PIK3R4: variants seen among roughly 807,000 people sequenced by gnomAD.
PIK3R4 encodes the protein phosphoinositide 3-kinase regulatory subunit 4.
Under a neutral mutation model 136.5 loss-of-function variants are expected in PIK3R4, and 46 were observed. That is an observed-to-expected ratio of 0.34 (90% CI 0.27 to 0.43). The LOEUF is 0.43. PIK3R4 is among the 20% of genes least tolerant of loss of function. The pLI is 1.00. For synonymous variants in PIK3R4, 557 were observed against 566.7 expected (o/e 0.98, Z 0.24); for missense variants, 1,331 against 1,649.5 (o/e 0.81, Z 3.35).
chr3:130,682,976 G>A (rs2066468202), intron 16 of PIK3R4, among the ~76,000 whole-genome samples: 1 of 152,154 alleles, frequency 6.6e-6, no homozygotes, highest in Non-Finnish European at 1.5e-5. Context: ...ATTAATAGGG[G>A]AAAGAGATTA....
intron 16 of PIK3R4, among the ~76,000 whole-genome samples, chr3:130,683,431 C>T (rs181089782): frequency 3.5e-4 from 53 of 152,178 alleles, no homozygotes; most frequent in African/African-American, 1.0e-3. Context: ...TGAGAAGGAA[C>T]GAGCAGATCA....
intron 9 of PIK3R4, among the ~76,000 whole-genome samples, chr3:130,713,736 G>GA (rs200119546): frequency 0.015 from 2,341 of 152,218 alleles, 87 homozygotes; most frequent in African/African-American, 0.053. Flanking sequence ...GCAATGGCGC[G>GA]ATCTCAGCTC....
chr3:130,718,808 A>G (rs2066682310), intron 7 of PIK3R4, among the ~76,000 whole-genome samples: 1 of 152,192 alleles, frequency 6.6e-6, no homozygotes, highest in Non-Finnish European at 1.5e-5. Flanking sequence ...TTTTTTAGTC[A>G]GAAGTAAAAT....
In PIK3R4 at chr3:130,744,880, G is replaced by A. The variant is rs61731472; in HGVS notation, c.339C>T (p.Arg113=). 558 of 1,614,174 alleles carry A rather than the reference G, an allele frequency of 3.5e-4. 4 individuals are homozygous for A. In the African/African-American group the frequency reaches 6.5e-3, roughly 19 times the overall value. The change falls in exon 2 of 20, where the codon CGC becomes CGT. Residue 113 remains arginine (R), a synonymous_variant. Transcript: ENST00000356763. ...TATTCAAGAATGGACGGGTACTGATGCGATCATAGAGATTGTCTCGCACAT... is the reference window on the plus strand; with the variant it reads ...TATTCAAGAATGGACGGGTACTGATACGATCATAGAGATTGTCTCGCACAT... ...RQYVRDNLYD[R]ISTRPFLNNI...
rs2066512792 is a variant in PIK3R4, at chr3:130,690,766, C to T, written c.3099-112G>A. The T allele has an allele frequency of 6.5e-6, 4 of 619,588 alleles. No individual in the cohort carries two copies. In the East Asian group the frequency reaches 1.2e-4, roughly 18 times the overall value. The allele number at this position is 619,588 out of a possible 1,614,324, so 38.4% of individuals were successfully genotyped here. ...TTACTTTGGGGTCCATTTAATCTCC[C>T]TGATCTCAGGACAAAAACAAGAATT... On this transcript the variant is annotated intron_variant, in intron 13 of 19. Coordinates refer to ENST00000356763, the MANE Select transcript of PIK3R4 (RefSeq NM_014602.3).
At chr3:130,690,414 T>C in intron 14 of PIK3R4, 76 bp downstream of exon 14, 2 of 882,596 alleles carry the variant, frequency 2.3e-6, no homozygotes, top group Non-Finnish European at 3.3e-6. Flanking sequence ...CCCAACTACA[T>C]TGCAGGGTAG....
chr3:130,714,933 A>C (rs937882677), intron 9 of PIK3R4, among the ~76,000 whole-genome samples: 2 of 152,060 alleles, frequency 1.3e-5, no homozygotes, highest in African/African-American at 2.4e-5. Flanking sequence ...TTTATAGTAG[A>C]ATGATTTATA....
intron 12 of PIK3R4, among the ~76,000 whole-genome samples, chr3:130,705,073 C>T (rs142052317): frequency 3.9e-5 from 6 of 152,178 alleles, no homozygotes; most frequent in Admixed American, 6.5e-5. Context: ...TCAAGTGATC[C>T]GTCCACCTCA....
chr3:130,724,054 C>T (rs2107615876), intron 6 of PIK3R4, among the ~76,000 whole-genome samples: 1 of 151,934 alleles, frequency 6.6e-6, no homozygotes, highest in Non-Finnish European at 1.5e-5. Flanking sequence ...CCTAAGAATT[C>T]AAGGGCAAAA....
chr3:130,730,864 A>G (rs569006174), intron 4 of PIK3R4, among the ~76,000 whole-genome samples: 1 of 152,294 alleles, frequency 6.6e-6, no homozygotes, highest in Non-Finnish European at 1.5e-5. Flanking sequence ...TCAAATCTCA[A>G]CCTTGCCACT....
intron 9 of PIK3R4, among the ~76,000 whole-genome samples, chr3:130,714,179 A>G (rs1204640926): frequency 6.6e-6 from 1 of 152,246 alleles, no homozygotes; most frequent in Admixed American, 6.5e-5. Flanking sequence ...AATACAAAAC[A>G]TATCTAACGT....
chr3:130,701,245 CTCA>C (rs1394653946), intron 13 of PIK3R4, among the ~76,000 whole-genome samples: 1 of 152,134 alleles, frequency 6.6e-6, no homozygotes, highest in African/African-American at 2.4e-5. Flanking sequence ...GGTGCGGTGG[CTCA>C]CACCCGTAAA....
intron 9 of PIK3R4, among the ~76,000 whole-genome samples, chr3:130,715,684 A>T (rs1205906770): frequency 6.6e-6 from 1 of 151,876 alleles, no homozygotes; most frequent in Non-Finnish European, 1.5e-5. Flanking sequence ...AGATTTCAAA[A>T]ATTTTCTCCC....
intron 9 of PIK3R4, among the ~76,000 whole-genome samples, chr3:130,715,950 AGTT>A (rs2066662335): frequency 6.6e-6 from 1 of 152,218 alleles, no homozygotes; most frequent in Non-Finnish European, 1.5e-5. Flanking sequence ...TCTAAATACA[AGTT>A]ATTTCAGCTG....
intron 7 of PIK3R4, 69 bp from the exon 8 acceptor site, chr3:130,718,603 C>T: frequency 6.7e-7 from 1 of 1,486,444 alleles, no homozygotes; most frequent in Non-Finnish European, 9.3e-7. Context: ...CAAATTTTTA[C>T]CTTATAACGT....
intron 2 of PIK3R4, among the ~76,000 whole-genome samples, chr3:130,743,833 C>T (rs187340525): frequency 6.6e-6 from 1 of 152,292 alleles, no homozygotes; most frequent in East Asian, 1.9e-4. Context: ...TCCAGTCAGG[C>T]CAGACCCTTT....
rs772656670 is a variant in PIK3R4, at chr3:130,733,840, T to C, written c.1158A>G (p.Leu386=). Residue 386 remains leucine, a synonymous_variant, in exon 4 of 20, where the codon CTA becomes CTG. Coordinates refer to ENST00000356763, the MANE Select transcript of PIK3R4 (RefSeq NM_014602.3). ...TGGAATCACAGTATTTAAGGGTCTG[T>C]AGGCAGGATGTTATAACAGATACCA... ...VILVSVITSC[L]QTLKYCDSKL... The C allele has an allele frequency of 1.9e-6, 3 of 1,614,184 alleles. No homozygotes were observed. In the East Asian group the frequency reaches 6.7e-5, roughly 36 times the overall value.
intron 9 of PIK3R4, among the ~76,000 whole-genome samples, chr3:130,709,148 G>T (rs1325080665): frequency 1.3e-5 from 2 of 152,006 alleles, no homozygotes; most frequent in Admixed American, 1.3e-4. Flanking sequence ...ATAATTACTG[G>T]CACCCATCTT....
chr3:130,693,982 A>C (rs1576452300), intron 13 of PIK3R4, among the ~76,000 whole-genome samples: 1 of 152,138 alleles, frequency 6.6e-6, no homozygotes, highest in African/African-American at 2.4e-5. Context: ...GAAATCCTAT[A>C]ATCCCAGCAC....
Sources: allele counts gnomAD v4.1 joint callset (sites outside exome capture counted in the v4.1 genomes callset), GRCh38; gene constraint gnomAD v4.1.1; transcripts MANE v1.5; gene names NCBI Gene and HGNC (gene_info 2026-07-23, HGNC 2026-07-21).